Variants in CDC6 observed in about 807,000 individuals in gnomAD.
The protein encoded by CDC6 is cell division cycle 6.
In CDC6, 46 loss-of-function variants were observed where a neutral mutation model predicts 60.2. That is an observed-to-expected ratio of 0.76 (90% CI 0.60 to 0.98). CDC6 has a LOEUF of 0.98. CDC6 is among the 50% of genes least tolerant of loss of function. CDC6 has a pLI of 0.00. For synonymous variants in CDC6, 210 were observed against 233.2 expected (o/e 0.90, Z 0.90); for missense variants, 596 against 652.9 (o/e 0.91, Z 0.95).
intron 7 of CDC6, 42 bp from the exon 8 acceptor site, chr17:40,295,314 A>G (rs766001878): frequency 7.8e-7 from 1 of 1,281,670 alleles, no homozygotes; most frequent in Non-Finnish European, 1.1e-6. Flanking sequence ...CAGAGGGAGA[A>G]TCTTATGGTT....
chr17:40,300,820 C>G lies in CDC6; in HGVS notation c.1250-8C>G, dbSNP rs1398899070. 6.2e-7 allele frequency: 1 copy of G among 1,607,464 alleles called. No individual in the cohort carries two copies. The highest frequency in any genetic ancestry group is 2.2e-5 in the East Asian group (1 of 44,850). Reference sequence around the variant, plus strand: ...AATCGAATTAAGCTTGGCTTATTTACTTTATAGGTAAATCACCTTCTGAGC... The same window carrying G: ...AATCGAATTAAGCTTGGCTTATTTAGTTTATAGGTAAATCACCTTCTGAGC... On this transcript the variant is annotated splice_region_variant and splice_polypyrimidine_tract_variant and intron_variant, in intron 9 of 11. Transcript: ENST00000209728.
At chr17:40,298,409 T>TC (rs397971666) in intron 9 of CDC6, among the ~76,000 whole-genome samples, 2 of 151,770 alleles carry the variant, frequency 1.3e-5, no homozygotes, top group East Asian at 3.9e-4. Context: ...TTTTTTTTTT[T>TC]CTTTTTGTGT....
At chr17:40,288,348 G>C (rs1367954741) in intron 1 of CDC6, among the ~76,000 whole-genome samples, 1 of 152,130 alleles carries the variant, frequency 6.6e-6, no homozygotes, top group African/African-American at 2.4e-5. Context: ...GTGCTGGGCT[G>C]AACTGGTGAT....
At chr17:40,295,599 C>A in intron 8 of CDC6, 143 bp downstream of exon 8, 1 of 658,636 alleles carries the variant, frequency 1.5e-6, no homozygotes, top group Non-Finnish European at 2.7e-6. Context: ...ACTTGTTTCT[C>A]AGTGGGGAGC....
intron 2 of CDC6, among the ~76,000 whole-genome samples, chr17:40,290,740 C>G (rs2032744351): frequency 6.6e-6 from 1 of 152,136 alleles, no homozygotes; most frequent in South Asian, 2.1e-4. Flanking sequence ...TGATTCATGT[C>G]TTGGGTAGGA....
At position 40,293,583 on chromosome 17, in the gene CDC6, T is replaced by A; in HGVS notation, c.788T>A (p.Met263Lys). The A allele has an allele frequency of 6.2e-7, 1 of 1,613,882 alleles. No individual in the cohort carries two copies. Among genetic ancestry groups the A allele is most frequent in the East Asian group, 2.2e-5 (1 of 44,876 alleles). The change falls in exon 5 of 12, where the codon ATG becomes AAG. Residue 263 changes from methionine (M) to lysine (K), a missense_variant. Coordinates refer to ENST00000209728, the MANE Select transcript of CDC6 (RefSeq NM_001254.4). ...EEVSRPAGKD[M>K]MRKLEKHMTA... is the part of the protein sequence containing the mutation. Reference sequence around the variant, plus strand: ...GTATCCAGGCCAGCTGGGAAGGACATGATGAGGAAATTGGAAAAACATATG... The same window carrying A: ...GTATCCAGGCCAGCTGGGAAGGACAAGATGAGGAAATTGGAAAAACATATG...
rs143357695 is a variant in CDC6, at chr17:40,295,404, C to T, written c.1132C>T (p.Arg378Cys). ...CAATGCTGCAGTTCAATTCTGTGCC[C>T]GCAAAGTCTCTGCTGTTTCAGGAGA... The part of the protein sequence containing the change: ...LDNAAVQFCA[R>C]KVSAVSGDVR... Residue 378 changes from arginine (R) to cysteine (C), a missense_variant, in exon 8 of 12, where the codon CGC becomes TGC. Physicochemically the swap from Arg to Cys is radical, Grantham distance 180 (BLOSUM62 -3). Coordinates refer to ENST00000209728, the MANE Select transcript of CDC6 (RefSeq NM_001254.4). The T allele has an allele frequency of 1.2e-4, 197 of 1,613,602 alleles. No individual in the cohort carries two copies. Among genetic ancestry groups the T allele is most frequent in the East Asian group, 1.1e-3 (51 of 44,878 alleles).
chr17:40,302,359 G>T lies in CDC6; in HGVS notation c.*358G>T, dbSNP rs575274633. On this transcript the variant is annotated 3_prime_UTR_variant, in exon 12 of 12. Transcript: ENST00000209728. ...GGGTATTTTTTTGTTTGTTTTTTTT[G>T]TTGTTGTTGTTTTTGAGGCGCGTCT... 375 of 257,780 alleles carry T rather than the reference G, an allele frequency of 1.5e-3. 1 individual carries two copies. Among genetic ancestry groups the T allele is most frequent in the African/African-American group, 3.1e-3 (133 of 43,590 alleles). 16.0% of individuals were successfully genotyped at this position (257,780 alleles called of 1,614,324 possible).
chr17:40,291,196 C>T lies in CDC6; in HGVS notation c.317C>T (p.Ser106Phe), dbSNP rs755685202. Residue 106 changes from serine to phenylalanine, a missense_variant, in exon 3 of 12, where the codon TCT becomes TTT. By Grantham distance (155) the Ser-to-Phe change is radical. Transcript: ENST00000209728. ...LVFDNQLTIK[S>F]PSKRELAKVH... ...TTTGACAATCAGCTGACAATTAAGT[C>T]TCCTAGCAAAAGAGAACTAGCCAAA... 1.9e-6 allele frequency: 3 copies of T among 1,614,070 alleles called. No individual in the cohort carries two copies. In the African/African-American group the frequency reaches 4.0e-5, roughly 22 times the overall value.
rs2032805238 is a variant in CDC6, at chr17:40,293,562, C to A, written c.767C>A (p.Ser256Tyr). 3 of 1,613,594 alleles carry A rather than the reference C, an allele frequency of 1.9e-6. No homozygotes were observed. In the South Asian group the frequency reaches 3.3e-5, roughly 18 times the overall value. Residue 256 changes from serine (S) to tyrosine (Y), a missense_variant, in exon 5 of 12, where the codon TCC (serine) becomes TAC (tyrosine). Physicochemically the swap from Ser to Tyr is moderately radical, Grantham distance 144. Coordinates refer to ENST00000209728, the MANE Select transcript of CDC6 (RefSeq NM_001254.4). ...IAQEICQEEV[S>Y]RPAGKDMMRK... is the part of the protein sequence containing the mutation. ...CAGGAGATTTGTCAGGAAGAGGTATCCAGGCCAGCTGGGAAGGACATGATG... is the reference window on the plus strand; with the variant it reads ...CAGGAGATTTGTCAGGAAGAGGTATACAGGCCAGCTGGGAAGGACATGATG...
At position 40,299,138 on chromosome 17, in the gene CDC6, CTTTTTT is replaced by C. The variant is rs67162965; in HGVS notation, c.1250-1667_1250-1662del. On this transcript the variant is annotated intron_variant, in intron 9 of 11. Transcript: ENST00000209728. ...CATCTCCAAACGATAAGGCCATAGT[CTTTTTT>C]TTTTTTTTTTTTTTTTTTTTTTGAG... is the stretch of plus-strand genomic sequence containing the variant. Among the ~76,000 whole-genome samples the C allele has an allele frequency of 2.5e-4, 15 of 60,780 alleles. No homozygotes were observed. In the East Asian group the frequency reaches 4.3e-3, roughly 17 times the overall value. 39.9% of individuals were successfully genotyped at this position (60,780 alleles called of 152,430 possible).
At position 40,296,695 on chromosome 17, in the gene CDC6, T is replaced by G; in HGVS notation, c.1185-8T>G. The G allele has an allele frequency of 1.9e-6, 3 of 1,569,116 alleles. No individual in the cohort carries two copies. Among genetic ancestry groups the G allele is most frequent in the Non-Finnish European group, 2.6e-6 (3 of 1,139,196 alleles). On this transcript the variant is annotated splice_region_variant and splice_polypyrimidine_tract_variant and intron_variant, in intron 8 of 11. Transcript: ENST00000209728. ...AGACTAAATTAATTTTAGAAATTTT[T>G]TTTATAGGAGAGCTATTGAAATTGT... is the stretch of plus-strand genomic sequence containing the variant.
At chr17:40,289,146 A>G in intron 1 of CDC6, 1 of 408,578 alleles carries the variant, frequency 2.4e-6, no homozygotes, top group South Asian at 2.1e-5. Flanking sequence ...AAGGCTAATA[A>G]TAGTACCTAC....
At chr17:40,299,368 C>G (rs1436544601) in intron 9 of CDC6, among the ~76,000 whole-genome samples, 1 of 151,620 alleles carries the variant, frequency 6.6e-6, no homozygotes, top group Non-Finnish European at 1.5e-5. Flanking sequence ...GTTGCACAGG[C>G]TGGTCATGAA....
At chr17:40,296,409 A>T (rs1429690919) in intron 8 of CDC6, among the ~76,000 whole-genome samples, 2 of 152,338 alleles carry the variant, frequency 1.3e-5, no homozygotes, top group South Asian at 4.1e-4. Flanking sequence ...GGCATCCATT[A>T]GGAGGAAACC....
At chr17:40,300,787 AT>A in intron 9 of CDC6, 40 bp from the exon 10 acceptor site, 2 of 1,446,670 alleles carry the variant, frequency 1.4e-6, no homozygotes, top group South Asian at 2.3e-5. Flanking sequence ...CACACACAGT[AT>A]TTTAGAAATC....
chr17:40,300,971 G>A lies in CDC6; in HGVS notation c.1393G>A (p.Val465Ile). The change falls in exon 10 of 12, where the codon GTT becomes ATT. Residue 465 changes from valine to isoleucine, a missense_variant. By Grantham distance (29) the Val-to-Ile change is conservative (BLOSUM62 3). Coordinates refer to ENST00000209728, the MANE Select transcript of CDC6 (RefSeq NM_001254.4). ...DSFPLQQKIL[V>I]CSLMLLIRQL... ...CTTCCCTCTTCAGCAGAAGATCTTG[G>A]TTTGCTCTTTGATGCTCTTGATCAG... The A allele has an allele frequency of 6.2e-7, 1 of 1,614,102 alleles. No homozygotes were observed. The highest frequency in any genetic ancestry group is 8.5e-7 in the Non-Finnish European group (1 of 1,179,990).
At chr17:40,291,956 C>T (rs2032770971) in intron 4 of CDC6, among the ~76,000 whole-genome samples, 1 of 152,120 alleles carries the variant, frequency 6.6e-6, no homozygotes, top group Non-Finnish European at 1.5e-5. Flanking sequence ...ACTGTGTTAG[C>T]CAGGATGGTC....
chr17:40,302,277 C>T lies in CDC6; in HGVS notation c.*276C>T, dbSNP rs1467423374. 1 of 465,092 alleles carries T rather than the reference C, an allele frequency of 2.2e-6. No individual in the cohort carries two copies. Among genetic ancestry groups the T allele is most frequent in the Non-Finnish European group, 3.9e-6 (1 of 255,158 alleles). The allele number at this position is 465,092 out of a possible 1,614,324, so 28.8% of individuals were successfully genotyped here. A position where few individuals can be genotyped will look rare whatever the true frequency, so the allele number is the denominator to read the frequency against. On this transcript the variant is annotated 3_prime_UTR_variant, in exon 12 of 12. Coordinates refer to ENST00000209728, the MANE Select transcript of CDC6 (RefSeq NM_001254.4). ...TCTAGCCAATGTGCTTGCAAGTGTA[C>T]AGATCTGTGTAGAGGAATGTGTGTA...
Sources: allele counts gnomAD v4.1 joint callset (sites outside exome capture counted in the v4.1 genomes callset), GRCh38; gene constraint gnomAD v4.1.1; transcripts MANE v1.5; gene names NCBI Gene and HGNC (gene_info 2026-07-23, HGNC 2026-07-21).